TPO: variants seen among roughly 807,000 people sequenced by gnomAD.
TPO encodes the protein thyroid peroxidase.
Under a neutral mutation model 96.9 loss-of-function variants are expected in TPO, and 78 were observed. That is an observed-to-expected ratio of 0.81 (90% CI 0.67 to 0.97). The LOEUF is 0.97. Ranked by LOEUF, TPO falls within the 50% of genes least tolerant of loss-of-function variation. The pLI is 0.00. For synonymous variants in TPO, 547 were observed against 538.0 expected, an observed-to-expected ratio of 1.02 and a Z score of -0.23; for missense variants, 1,252 against 1,274.8, an observed-to-expected ratio of 0.98 and a Z score of 0.27.
chr2:1,448,273 G>A (rs1463560202), intron 5 of TPO, among the ~76,000 whole-genome samples: 2 of 152,198 alleles, frequency 1.3e-5, no homozygotes, highest in Non-Finnish European at 2.9e-5. Flanking sequence ...TCTGCATCTC[G>A]CTGTGCTCCA....
intron 6 of TPO, among the ~76,000 whole-genome samples, chr2:1,455,375 C>A (rs1048048383): frequency 6.6e-6 from 1 of 152,110 alleles, no homozygotes; most frequent in African/African-American, 2.4e-5. Flanking sequence ...TCCAAGGTTC[C>A]CCCAAACCCC....
chr2:1,380,485 T>G (rs1661794470), intron 1 of TPO, among the ~76,000 whole-genome samples: 1 of 152,068 alleles, frequency 6.6e-6, no homozygotes. Context: ...CATCATTATA[T>G]TCTAAAAAAA....
At chr2:1,523,504 G>A (rs551157383) in intron 15 of TPO, among the ~76,000 whole-genome samples, 14 of 4,520 alleles carry the variant, frequency 3.1e-3, no homozygotes, top group African/African-American at 9.9e-3. Context: ...AAATCCCCCC[G>A]ACTCTATGCA....
intron 15 of TPO, among the ~76,000 whole-genome samples, chr2:1,526,392 G>T (rs1230600837): frequency 1.9e-5 from 1 of 52,420 alleles, no homozygotes; most frequent in Non-Finnish European, 3.4e-5. Context: ...GCCCCCCAAT[G>T]TGAGCAACCC....
chr2:1,481,402 A>T (rs1469109397), intron 8 of TPO, among the ~76,000 whole-genome samples: 1 of 152,162 alleles, frequency 6.6e-6, no homozygotes, highest in Non-Finnish European at 1.5e-5. Context: ...CATCCCAAAT[A>T]TCTGGCGTGG....
At chr2:1,505,114 T>C (rs1231915875) in intron 14 of TPO, among the ~76,000 whole-genome samples, 1 of 152,168 alleles carries the variant, frequency 6.6e-6, no homozygotes, top group Non-Finnish European at 1.5e-5. Context: ...ATCAAGCAAG[T>C]GAGTCTGAAA....
At chr2:1,405,813 G>A (rs1354235127) in intron 1 of TPO, among the ~76,000 whole-genome samples, 9 of 152,136 alleles carry the variant, frequency 5.9e-5, no homozygotes, top group Non-Finnish European at 2.9e-5. Flanking sequence ...GAAGTTCTCA[G>A]TAATTATTTG....
At chr2:1,502,677 A>C (rs2124991039) in intron 13 of TPO, among the ~76,000 whole-genome samples, 1 of 152,308 alleles carries the variant, frequency 6.6e-6, no homozygotes. Context: ...GGCATGAGCC[A>C]CCGGACCCGA....
intron 14 of TPO, among the ~76,000 whole-genome samples, chr2:1,514,478 T>C (rs1674478181): frequency 6.6e-6 from 1 of 152,202 alleles, no homozygotes; most frequent in Non-Finnish European, 1.5e-5. Context: ...CCAAACCCGA[T>C]GCCGTTTCTT....
rs1239602811 is a variant in TPO, at chr2:1,436,265, A to G, written c.363A>G (p.Glu121=). 2 of 1,614,216 alleles carry G rather than the reference A, an allele frequency of 1.2e-6. No individual in the cohort carries two copies. Among genetic ancestry groups the G allele is most frequent in the East Asian group, 2.2e-5 (1 of 44,880 alleles). ...QSQHPTDALS[E]DLLSIIANMS... ...TATTTTTCACAGATGCTTTATCAGA[A>G]GATCTGCTGAGCATCATTGCAAACA... Residue 121 remains glutamate, a synonymous_variant, in exon 5 of 17, where the codon GAA becomes GAG. Coordinates refer to ENST00000329066, the MANE Select transcript of TPO (RefSeq NM_001206744.2).
intron 15 of TPO, among the ~76,000 whole-genome samples, chr2:1,520,549 C>T (rs1390071303): frequency 6.6e-6 from 1 of 152,206 alleles, no homozygotes; most frequent in Non-Finnish European, 1.5e-5. Context: ...GGGTCTCACA[C>T]TGTATGTTTT....
chr2:1,475,736 GC>G (rs1247745853), intron 7 of TPO, among the ~76,000 whole-genome samples: 1 of 152,222 alleles, frequency 6.6e-6, no homozygotes, highest in Non-Finnish European at 1.5e-5. Context: ...ACAGGCGTGA[GC>G]CCCCGCGCCC....
chr2:1,411,389 A>C (rs1389446945), upstream of TPO, among the ~76,000 whole-genome samples: 1 of 151,602 alleles, frequency 6.6e-6, no homozygotes, highest in African/African-American at 2.4e-5. Flanking sequence ...GTGCATGCAA[A>C]CCCCCTCTTC....
intron 9 of TPO, among the ~76,000 whole-genome samples, chr2:1,486,297 G>A (rs1024838772): frequency 4.6e-5 from 7 of 152,068 alleles, no homozygotes; most frequent in Non-Finnish European, 7.3e-5. Flanking sequence ...TGAGGCAGGC[G>A]GATCACTTGA....
chr2:1,509,294 C>A (rs963170312), intron 14 of TPO, among the ~76,000 whole-genome samples: 1 of 152,150 alleles, frequency 6.6e-6, no homozygotes, highest in African/African-American at 2.4e-5. Context: ...AGGAGAGGCA[C>A]ACCCCCACTC....
chr2:1,387,264 C>T (rs1661918248), intron 1 of TPO, among the ~76,000 whole-genome samples: 1 of 152,154 alleles, frequency 6.6e-6, no homozygotes. Flanking sequence ...GCCTGCCTTG[C>T]TAGGTTGGGG....
chr2:1,527,577 C>T (rs1308110286), intron 15 of TPO, among the ~76,000 whole-genome samples: 1 of 149,076 alleles, frequency 6.7e-6, no homozygotes, highest in Non-Finnish European at 1.5e-5. Flanking sequence ...CAACTGTGTG[C>T]AACCTCCTCA....
In TPO at chr2:1,527,827, C is replaced by CGTACTGTGTGCAACCTCCTAA. The variant is rs1676946181; in HGVS notation, c.2618+10845_2618+10846insGTACTGTGTGCAACCTCCTAA. Among the ~76,000 whole-genome samples, 3 of 148,220 alleles carry CGTACTGTGTGCAACCTCCTAA rather than the reference C, an allele frequency of 2.0e-5. 1 individual carries two copies. Among genetic ancestry groups the CGTACTGTGTGCAACCTCCTAA allele is most frequent in the African/African-American group, 5.1e-5 (2 of 39,588 alleles). ...ACTGTATGCAACCTCCTCAAATCCC[C>CGTACTGTGTGCAACCTCCTAA]ATACTGTGTGCAACCTCCTCAAATC... On this transcript the variant is annotated intron_variant, in intron 15 of 16. Transcript: ENST00000329066.
chr2:1,503,826 G>T (rs28912994), intron 13 of TPO, 122 bp from the exon 14 acceptor site: 57,613 of 1,575,556 alleles, frequency 0.037, 1,541 homozygotes, highest in South Asian at 0.12. Context: ...CCTAGACCAG[G>T]TGGGATGGCA....
Sources: allele counts gnomAD v4.1 joint callset (sites outside exome capture counted in the v4.1 genomes callset), GRCh38; gene constraint gnomAD v4.1.1; transcripts MANE v1.5; gene names NCBI Gene and HGNC (gene_info 2026-07-23, HGNC 2026-07-21).